SMYD3: variants seen among roughly 807,000 people sequenced by gnomAD.
SMYD3 encodes SET and MYND domain containing 3.
SMYD3 carries 36 observed loss-of-function variants against 57.7 expected under a neutral mutation model. The ratio of observed to expected loss-of-function variants is 0.62; its 90% confidence interval spans 0.48 to 0.82. The LOEUF is 0.82. SMYD3 is among the 40% of genes least tolerant of loss of function. The pLI is 0.00. For synonymous variants in SMYD3, 211 were observed against 195.0 expected, an observed-to-expected ratio of 1.08 and a Z score of -0.68; for missense variants, 515 against 538.8, an observed-to-expected ratio of 0.96 and a Z score of 0.44.
intron 5 of SMYD3, among the ~76,000 whole-genome samples, chr1:246,072,424 A>T (rs980428179): frequency 2.6e-5 from 4 of 151,982 alleles, no homozygotes; most frequent in Non-Finnish European, 5.9e-5. Context: ...CTGGGGAGGG[A>T]TTCGTGTGCT....
At chr1:246,176,021 T>C (rs1358080535) in intron 5 of SMYD3, among the ~76,000 whole-genome samples, 2 of 152,192 alleles carry the variant, frequency 1.3e-5, no homozygotes, top group African/African-American at 4.8e-5. Context: ...GAGATATTTA[T>C]TCAAAAGCAG....
chr1:246,080,674 G>A (rs1268555295), intron 5 of SMYD3, among the ~76,000 whole-genome samples: 1 of 152,112 alleles, frequency 6.6e-6, no homozygotes, highest in Non-Finnish European at 1.5e-5. Flanking sequence ...TACAAAGGAG[G>A]AAATCCTTAC....
chr1:246,375,752 CAG>C (rs1455891730), intron 1 of SMYD3, among the ~76,000 whole-genome samples: 4 of 152,076 alleles, frequency 2.6e-5, no homozygotes, highest in African/African-American at 7.2e-5. Flanking sequence ...TGTTTTGAGA[CAG>C]AGTCTTGCTC....
intron 5 of SMYD3, among the ~76,000 whole-genome samples, chr1:246,259,955 C>T (rs1398582488): frequency 1.3e-5 from 2 of 152,196 alleles, no homozygotes; most frequent in East Asian, 1.9e-4. Context: ...AAGAGCTCTG[C>T]CTAGGTGTGT....
At chr1:246,098,804 T>G (rs1485981860) in intron 5 of SMYD3, among the ~76,000 whole-genome samples, 1 of 133,966 alleles carries the variant, frequency 7.5e-6, no homozygotes, top group Non-Finnish European at 1.7e-5. Flanking sequence ...ATATGTGTAG[T>G]TATATGTACA....
At chr1:246,166,115 A>T (rs2062205949) in intron 5 of SMYD3, among the ~76,000 whole-genome samples, 1 of 152,052 alleles carries the variant, frequency 6.6e-6, no homozygotes. Flanking sequence ...AAAAAAGAAG[A>T]AGAAAAGCAC....
At chr1:245,938,340 G>A (rs1389380045) in intron 5 of SMYD3, among the ~76,000 whole-genome samples, 3 of 152,180 alleles carry the variant, frequency 2.0e-5, no homozygotes, top group Admixed American at 1.3e-4. Flanking sequence ...ACCTTGGGGG[G>A]CCACTCCTTC....
chr1:246,321,062 A>G (rs572703242), intron 5 of SMYD3, among the ~76,000 whole-genome samples: 1 of 152,352 alleles, frequency 6.6e-6, no homozygotes, highest in South Asian at 2.1e-4. Context: ...TCTGTCCACA[A>G]TGGCTATGAC....
At chr1:245,977,078 A>C (rs893988466) in intron 5 of SMYD3, among the ~76,000 whole-genome samples, 2 of 151,876 alleles carry the variant, frequency 1.3e-5, no homozygotes, top group Non-Finnish European at 2.9e-5. Context: ...TCTCTAGCCT[A>C]TGTTATTGTG....
At chr1:246,505,429 G>GAGCAGC (rs111391483) in intron 1 of SMYD3, among the ~76,000 whole-genome samples, 23,898 of 151,608 alleles carry the variant, frequency 0.16, 1,954 homozygotes, top group Non-Finnish European at 0.18. Context: ...GTTTCCCAAG[G>GAGCAGC]AGCAGCAGCA....
intron 1 of SMYD3, among the ~76,000 whole-genome samples, chr1:246,493,679 CCAG>C (rs2068306214): frequency 6.6e-6 from 1 of 151,992 alleles, no homozygotes; most frequent in South Asian, 2.1e-4. Flanking sequence ...AGTTCAAAAC[CCAG>C]CACTCACCCT....
chr1:246,085,131 T>C (rs945148093), intron 5 of SMYD3, among the ~76,000 whole-genome samples: 3 of 152,216 alleles, frequency 2.0e-5, no homozygotes, highest in African/African-American at 7.2e-5. Context: ...AGTGTTACAC[T>C]ATCTATAGTA....
intron 5 of SMYD3, among the ~76,000 whole-genome samples, chr1:246,250,200 A>G (rs1174699434): frequency 6.6e-6 from 1 of 152,180 alleles, no homozygotes; most frequent in East Asian, 1.9e-4. Context: ...TATCTAATCT[A>G]TTCTCACCCT....
At chr1:245,864,484 G>A (rs2051720514) in intron 8 of SMYD3, among the ~76,000 whole-genome samples, 1 of 152,172 alleles carries the variant, frequency 6.6e-6, no homozygotes, top group Non-Finnish European at 1.5e-5. Flanking sequence ...GATGAGGCTT[G>A]AATACGTTAC....
At chr1:246,454,436 CTAA>C (rs1299947739) in intron 1 of SMYD3, among the ~76,000 whole-genome samples, 3 of 152,064 alleles carry the variant, frequency 2.0e-5, no homozygotes, top group South Asian at 2.1e-4. Flanking sequence ...ATAAGGCAAA[CTAA>C]TAATGGGAGA....
chr1:246,083,104 A>G (rs1316489557), intron 5 of SMYD3, among the ~76,000 whole-genome samples: 1 of 151,938 alleles, frequency 6.6e-6, no homozygotes, highest in African/African-American at 2.4e-5. Flanking sequence ...CGACACCCGT[A>G]AAGGGTCTGT....
At chr1:246,316,361 G>GA (rs2065156583) in intron 5 of SMYD3, among the ~76,000 whole-genome samples, 1 of 133,446 alleles carries the variant, frequency 7.5e-6, no homozygotes, top group Admixed American at 7.5e-5. Flanking sequence ...GTCTTCATGG[G>GA]TTTTTTTTTT....
intron 1 of SMYD3, among the ~76,000 whole-genome samples, chr1:246,423,311 A>G (rs996305831): frequency 1.3e-5 from 2 of 149,204 alleles, no homozygotes; most frequent in Non-Finnish European, 3.0e-5. Context: ...AAAAAAAAAG[A>G]AAAAGAAAAG....
chr1:245,969,625 G>T (rs1251002212), intron 5 of SMYD3, among the ~76,000 whole-genome samples: 1 of 152,208 alleles, frequency 6.6e-6, no homozygotes, highest in Non-Finnish European at 1.5e-5. Flanking sequence ...AGGGGGGAAA[G>T]GCCAGGAACA....
Sources: allele counts gnomAD v4.1 joint callset (sites outside exome capture counted in the v4.1 genomes callset), GRCh38; gene constraint gnomAD v4.1.1; transcripts MANE v1.5; gene names NCBI Gene and HGNC (gene_info 2026-07-23, HGNC 2026-07-21).